Variants in MAD1L1 observed in about 807,000 individuals in gnomAD.
MAD1L1 encodes mitotic arrest deficient 1 like 1, also known as mitotic spindle assembly checkpoint protein MAD1.
In MAD1L1, 95 loss-of-function variants were observed where a neutral mutation model predicts 96.9. The ratio of observed to expected loss-of-function variants is 0.98; its 90% CI spans 0.83 to 1.16. MAD1L1 has a LOEUF of 1.16. MAD1L1 is among the 50% of genes most tolerant of loss of function. The pLI, the probability that MAD1L1 is intolerant of heterozygous loss-of-function variation, is 0.00. For missense variants in MAD1L1, 1,007 were observed against 954.4 expected, an observed-to-expected ratio of 1.06 and a Z score of -0.73; for synonymous variants, 473 against 396.6, an observed-to-expected ratio of 1.19 and a Z score of -2.29.
chr7:1,831,419 C>T (rs1782697675), intron 18 of MAD1L1, among the ~76,000 whole-genome samples: 1 of 152,138 alleles, frequency 6.6e-6, no homozygotes, highest in African/African-American at 2.4e-5. Flanking sequence ...CCTTAGGCCT[C>T]CCCATTTCCT....
chr7:2,002,267 G>C (rs1229202409), intron 13 of MAD1L1, 146 bp from the exon 14 acceptor site: 8 of 752,418 alleles, frequency 1.1e-5, no homozygotes, highest in Middle Eastern at 5.8e-4. Context: ...GGCAGCCAGA[G>C]GGTGGGCAGG....
intron 11 of MAD1L1, among the ~76,000 whole-genome samples, chr7:2,141,303 C>T: frequency 6.6e-6 from 1 of 152,248 alleles, no homozygotes; most frequent in Non-Finnish European, 1.5e-5. Flanking sequence ...AGCCATGACA[C>T]CCGACCATGC....
intron 14 of MAD1L1, among the ~76,000 whole-genome samples, chr7:1,994,658 G>T (rs759295805): frequency 1.2e-3 from 181 of 152,222 alleles, no homozygotes; most frequent in Non-Finnish European, 7.9e-4. Context: ...GGAGCCTCGG[G>T]GGGGGGATTA....
intron 12 of MAD1L1, among the ~76,000 whole-genome samples, chr7:2,051,513 G>A (rs1218257329): frequency 6.6e-6 from 1 of 152,104 alleles, no homozygotes; most frequent in Non-Finnish European, 1.5e-5. Context: ...GATCCAAGAC[G>A]TTTCAACGTG....
chr7:2,033,232 G>C lies in MAD1L1; in HGVS notation c.1219-18590C>G, dbSNP rs1411424254. On this transcript the variant is annotated intron_variant, in intron 12 of 18. Transcript: ENST00000265854. ...GAGACAGCCCGGGTGCTGCAGGTGT[G>C]AGTAACGCACCCCGGGGGCACAGAA... Among the ~76,000 whole-genome samples, 5 of 152,354 alleles carry C rather than the reference G, an allele frequency of 3.3e-5. No individual in the cohort carries two copies. The East Asian group carries it at 9.7e-4, about 29-fold the overall frequency.
At chr7:2,218,898 C>CA (rs58637361) in intron 6 of MAD1L1, among the ~76,000 whole-genome samples, 41 of 140,028 alleles carry the variant, frequency 2.9e-4, no homozygotes, top group African/African-American at 2.9e-4. Context: ...GACTCAATCT[C>CA]AAAAAAAAAA....
chr7:1,841,088 G>C (rs530518197), intron 18 of MAD1L1, among the ~76,000 whole-genome samples: 1 of 152,344 alleles, frequency 6.6e-6, no homozygotes, highest in East Asian at 1.9e-4. Flanking sequence ...TCTACTCTGT[G>C]GGGGGCAGGT....
intron 11 of MAD1L1, among the ~76,000 whole-genome samples, chr7:2,140,963 T>A (rs939307528): frequency 1.3e-5 from 2 of 152,258 alleles, no homozygotes; most frequent in African/African-American, 4.8e-5. Context: ...ATTTTAAATA[T>A]GGAAATGCAA....
chr7:1,964,787 G>C (rs1203987116), intron 15 of MAD1L1, among the ~76,000 whole-genome samples: 1 of 152,218 alleles, frequency 6.6e-6, no homozygotes, highest in Admixed American at 6.5e-5. Context: ...CATCACACAC[G>C]GGGGAAACTT....
chr7:1,862,503 C>T (rs553665256), intron 18 of MAD1L1, among the ~76,000 whole-genome samples: 1 of 152,326 alleles, frequency 6.6e-6, no homozygotes, highest in Non-Finnish European at 1.5e-5. Context: ...TCCCTCCCTC[C>T]CTGCCTTGCC....
chr7:2,167,282 T>C (rs1790476949), intron 10 of MAD1L1, among the ~76,000 whole-genome samples: 1 of 152,146 alleles, frequency 6.6e-6, no homozygotes, highest in Non-Finnish European at 1.5e-5. Flanking sequence ...GCGCGGCAGC[T>C]CATGCCTGTA....
rs921673207 is a variant in MAD1L1 at position 2,119,618 on chromosome 7, G to A, written c.1073+29534C>T. ...CCTCCAAGCCCTTGACTTAGTGGCAGGTGGGCTACAGCTGCAGGACAGAGG... is the reference window on the plus strand; with the variant it reads ...CCTCCAAGCCCTTGACTTAGTGGCAAGTGGGCTACAGCTGCAGGACAGAGG... On this transcript the variant is annotated intron_variant, in intron 11 of 18. Transcript: ENST00000265854. This position sits in a 1 kb window ranked among gnomAD's most constrained non-coding sequence, Gnocchi z 4.6. Among the ~76,000 whole-genome samples, 2 of 152,210 alleles carry A rather than the reference G, an allele frequency of 1.3e-5. No homozygotes were observed. The highest frequency in any genetic ancestry group is 4.8e-5 in the African/African-American group (2 of 41,442).
intron 11 of MAD1L1, among the ~76,000 whole-genome samples, chr7:2,094,020 C>A (rs754791466): frequency 6.6e-6 from 1 of 152,218 alleles, no homozygotes; most frequent in Non-Finnish European, 1.5e-5. Context: ...CGGGCGCAGA[C>A]GGTCGTCTGT....
intron 18 of MAD1L1, among the ~76,000 whole-genome samples, chr7:1,855,414 C>T (rs939751889): frequency 1.3e-5 from 2 of 152,010 alleles, no homozygotes; most frequent in East Asian, 1.9e-4. Flanking sequence ...CTAGGCCGCC[C>T]CTCTGTGCCC....
chr7:1,936,797 G>T lies in MAD1L1; in HGVS notation c.1697C>A (p.Ala566Glu), dbSNP rs771920775. The T allele has an allele frequency of 3.1e-6, 5 of 1,589,792 alleles. No individual in the cohort carries two copies. The highest frequency in any genetic ancestry group is 4.3e-6 in the Non-Finnish European group (5 of 1,169,242). Residue 566 changes from alanine to glutamate, a missense_variant, in exon 17 of 19, where the codon GCG (alanine) becomes GAG (glutamate). Ala to Glu is a moderately radical substitution (Grantham distance 107). Transcript: ENST00000265854. ...RLREDHSQLQ[A>E]ECERLRGLLR... Reference sequence around the variant, plus strand: ...GAGCCCGCGCAGTCGCTCGCACTCCGCCTGCAGCTGGCTGTGGTCCTCGCG... The same window carrying T: ...GAGCCCGCGCAGTCGCTCGCACTCCTCCTGCAGCTGGCTGTGGTCCTCGCG...
intron 11 of MAD1L1, among the ~76,000 whole-genome samples, chr7:2,143,607 A>G (rs1481629524): frequency 6.7e-6 from 1 of 150,368 alleles, no homozygotes; most frequent in African/African-American, 2.5e-5. Flanking sequence ...CAAGGGCCTG[A>G]CTCCTCCTGA....
intron 15 of MAD1L1, among the ~76,000 whole-genome samples, chr7:1,965,313 G>A (rs559957056): frequency 6.6e-6 from 1 of 152,338 alleles, no homozygotes; most frequent in Non-Finnish European, 1.5e-5. Context: ...AAGAGAGCAC[G>A]TGACAAAGCC....
chr7:2,099,178 C>T (rs765056870), intron 11 of MAD1L1, among the ~76,000 whole-genome samples: 6 of 152,188 alleles, frequency 3.9e-5, no homozygotes, highest in Non-Finnish European at 8.8e-5. Context: ...CCCAACGCAC[C>T]GCTAACACTG....
intron 17 of MAD1L1, among the ~76,000 whole-genome samples, chr7:1,913,976 G>T (rs973649072): frequency 2.0e-5 from 3 of 151,950 alleles, no homozygotes; most frequent in Admixed American, 6.5e-5. Flanking sequence ...GCCATGCTGG[G>T]GGGGGAGAGG....
Sources: gnomAD v4.1 joint callset for allele counts (sites outside exome capture counted in the v4.1 genomes callset) on GRCh38, gnomAD v4.1.1 for gene constraint, Gnocchi (gnomAD v3.1) non-coding constraint, MANE v1.5 for transcripts, NCBI Gene and HGNC (gene_info 2026-07-23, HGNC 2026-07-21) for gene names.